The following MYO9B variants were observed in gnomAD, a reference collection of about 807,000 sequenced individuals.
The protein encoded by MYO9B is myosin IXB.
In MYO9B, 71 loss-of-function variants were observed where a neutral mutation model predicts 229.5. That is an observed-to-expected ratio of 0.31 (90% CI 0.26 to 0.38). The LOEUF is 0.38. Among genes scored for constraint, MYO9B ranks in the 10% least tolerant of loss-of-function variants. The probability of loss-of-function intolerance (pLI) is 1.00; values close to 1 mark genes in which losing one functional copy is unlikely to be tolerated. For missense variants in MYO9B, 2,255 were observed against 2,920.5 expected, an observed-to-expected ratio of 0.77 and a Z score of 5.25; for synonymous variants, 1,185 against 1,235.8, an observed-to-expected ratio of 0.96 and a Z score of 0.86.
intron 8 of MYO9B, 72 bp downstream of exon 8, chr19:17,159,556 C>A (rs991375937): frequency 1.5e-6 from 2 of 1,322,116 alleles, no homozygotes; most frequent in Non-Finnish European, 2.1e-6. Flanking sequence ...TGGAAAGAGC[C>A]GGCATGGGTG....
chr19:17,197,724 C>T (rs150307590), intron 22 of MYO9B, 68 bp from the exon 23 acceptor site: 15 of 1,577,192 alleles, frequency 9.5e-6, no homozygotes, highest in African/African-American at 1.3e-5. Flanking sequence ...AACCCAAGAA[C>T]CACTAAGACA....
At chr19:17,122,495 C>T (rs769317456) in intron 2 of MYO9B, among the ~76,000 whole-genome samples, 3 of 151,958 alleles carry the variant, frequency 2.0e-5, no homozygotes, top group Non-Finnish European at 2.9e-5. Flanking sequence ...CCAGCCTGGG[C>T]AACAGAGTGA....
At chr19:17,096,130 A>G (rs1193641179) in intron 1 of MYO9B, among the ~76,000 whole-genome samples, 1 of 152,156 alleles carries the variant, frequency 6.6e-6, no homozygotes, top group African/African-American at 2.4e-5. Flanking sequence ...CACTGTGAGC[A>G]TCAGGAACCA....
Position 17,200,383 on chromosome 19 carries a change from G to T in MYO9B, c.4329G>T (p.Gly1443=), listed in dbSNP as rs747425989. 2 of 1,600,868 alleles carry T rather than the reference G, an allele frequency of 1.2e-6. No individual in the cohort carries two copies. Among genetic ancestry groups the T allele is most frequent in the Non-Finnish European group, 1.7e-6 (2 of 1,173,352 alleles). The change falls in exon 25 of 40, where the codon GGG becomes GGT. Residue 1443 remains glycine (G), a synonymous_variant. Transcript: ENST00000682292. ...GAEELENAVS[G]HVVLEATTMK... ...AGGAGCTGGAGAATGCAGTGTCCGGGCACGTGGTGCTGGAAGCCACCACCA... is the reference window on the plus strand; with the variant it reads ...AGGAGCTGGAGAATGCAGTGTCCGGTCACGTGGTGCTGGAAGCCACCACCA...
At chr19:17,202,813 C>G (rs369790194) in intron 28 of MYO9B, 29 bp from the exon 29 acceptor site, 1 of 1,572,220 alleles carries the variant, frequency 6.4e-7, no homozygotes, top group Non-Finnish European at 8.6e-7. Context: ...GGGGGGCCCC[C>G]GCCAACCTCC....
intron 1 of MYO9B, among the ~76,000 whole-genome samples, chr19:17,077,731 T>G (rs1266988194): frequency 6.6e-6 from 1 of 152,140 alleles, no homozygotes; most frequent in South Asian, 2.1e-4. Flanking sequence ...GTCCCCCAGC[T>G]CCCGGCCTTG....
chr19:17,185,882 C>G (rs1168714880), intron 17 of MYO9B, 39 bp from the exon 18 acceptor site: 2 of 1,551,554 alleles, frequency 1.3e-6, no homozygotes, highest in Non-Finnish European at 1.8e-6. Flanking sequence ...CTGTCAGGGT[C>G]CCTGATTCAA....
In MYO9B at chr19:17,175,649, T is replaced by A; in HGVS notation, c.2141-14T>A. The A allele has an allele frequency of 6.4e-7, 1 of 1,559,172 alleles. No homozygotes were observed. On this transcript the variant is annotated splice_polypyrimidine_tract_variant and intron_variant, in intron 13 of 39. Coordinates refer to ENST00000682292, the MANE Select transcript of MYO9B (RefSeq NM_004145.4). Reference sequence around the variant, plus strand: ...AGGCCATCCCCACCACCATCCACTCTGTGTCTCCGGCAGGTATGAGCAGCC... The same window carrying A: ...AGGCCATCCCCACCACCATCCACTCAGTGTCTCCGGCAGGTATGAGCAGCC...
chr19:17,163,289 A>G (rs2072624262), intron 10 of MYO9B, among the ~76,000 whole-genome samples, 167 bp downstream of exon 10: 1 of 149,308 alleles, frequency 6.7e-6, no homozygotes, highest in African/African-American at 2.5e-5. Context: ...GAACTCTTTC[A>G]TTTTGCCAAA....
chr19:17,107,079 A>G (rs1048055044), intron 2 of MYO9B, among the ~76,000 whole-genome samples: 1 of 152,048 alleles, frequency 6.6e-6, no homozygotes, highest in Non-Finnish European at 1.5e-5. Context: ...AAAAATAAAA[A>G]TAAAAAATTA....
intron 2 of MYO9B, among the ~76,000 whole-genome samples, chr19:17,111,588 AATTTTTTT>A (rs1218123397): frequency 6.6e-6 from 1 of 152,114 alleles, no homozygotes; most frequent in Non-Finnish European, 1.5e-5. Context: ...ACCCCTGGCT[AATTTTTTT>A]ATTTTTTGTA....
At chr19:17,095,039 G>C (rs572252369) in intron 1 of MYO9B, among the ~76,000 whole-genome samples, 1 of 152,330 alleles carries the variant, frequency 6.6e-6, no homozygotes, top group Admixed American at 6.5e-5. Flanking sequence ...AGGAGTTCCA[G>C]ACCAGCCTGG....
chr19:17,168,153 A>G, intron 11 of MYO9B, 89 bp downstream of exon 11: 1 of 1,514,694 alleles, frequency 6.6e-7, no homozygotes, highest in Non-Finnish European at 8.9e-7. Flanking sequence ...CCCCAAATCC[A>G]GACTTTCCCA....
intron 1 of MYO9B, among the ~76,000 whole-genome samples, chr19:17,094,536 T>C (rs2057670228): frequency 6.6e-6 from 1 of 152,210 alleles, no homozygotes. Context: ...CTTTCTGTCT[T>C]CATAGGTCAA....
intron 11 of MYO9B, among the ~76,000 whole-genome samples, chr19:17,169,169 G>A (rs930075570): frequency 3.3e-5 from 5 of 151,812 alleles, no homozygotes; most frequent in African/African-American, 1.2e-4. Context: ...GTCAGGAGTT[G>A]GAGACCAGCC....
chr19:17,083,381 T>C (rs993000623), intron 1 of MYO9B, among the ~76,000 whole-genome samples: 5 of 152,046 alleles, frequency 3.3e-5, no homozygotes, highest in Admixed American at 6.6e-5. Context: ...ATTGGTGACA[T>C]TGGGGGCAGA....
chr19:17,134,193 AGGT>A (rs2072238097), intron 2 of MYO9B, among the ~76,000 whole-genome samples: 1 of 151,932 alleles, frequency 6.6e-6, no homozygotes, highest in African/African-American at 2.4e-5. Flanking sequence ...TGTATCCAAT[AGGT>A]AACTTTTCAA....
intron 10 of MYO9B, among the ~76,000 whole-genome samples, chr19:17,165,361 A>C (rs1157400151): frequency 1.3e-5 from 2 of 149,322 alleles, no homozygotes; most frequent in Non-Finnish European, 1.5e-5. Context: ...CCCTGTCTCA[A>C]AAAAAAAAAA....
chr19:17,212,044 A>T lies in MYO9B; in HGVS notation c.6208A>T (p.Ile2070Phe), dbSNP rs776341862. The change falls in exon 40 of 40, where the codon ATC (isoleucine) becomes TTC (phenylalanine). Residue 2070 changes from isoleucine (I) to phenylalanine (F), a missense_variant. By Grantham distance (21) the Ile-to-Phe change is conservative (BLOSUM62 0). Transcript: ENST00000682292. The surrounding 1 kb of genome is among the most constrained non-coding windows in gnomAD (Gnocchi z 5.4). ...RRTPIMPTAN[I>F]KLPPGLPSHL... ...GACCCCCATCATGCCCACGGCCAAC[A>T]TCAAGCTCCCACCAGGCCTGCCCTC... 2.5e-6 allele frequency: 4 copies of T among 1,606,434 alleles called. No individual in the cohort carries two copies. The highest frequency in any genetic ancestry group is 2.5e-6 in the Non-Finnish European group (3 of 1,177,532).
Sources: allele counts gnomAD v4.1 joint callset (sites outside exome capture counted in the v4.1 genomes callset), GRCh38; gene constraint gnomAD v4.1.1; non-coding constraint Gnocchi (gnomAD v3.1); transcripts MANE v1.5; gene names NCBI Gene and HGNC (gene_info 2026-07-23, HGNC 2026-07-21).